Variants in ZNF407 observed in about 807,000 individuals in gnomAD.
The protein encoded by ZNF407 is zinc finger protein 407.
A neutral mutation model predicts 131.2 loss-of-function variants in ZNF407; 17 were observed. That is an observed-to-expected ratio of 0.13 (90% CI 0.09 to 0.19). The LOEUF is 0.19. Ranked by LOEUF, ZNF407 falls within the 10% of genes least tolerant of loss-of-function variation. The probability of loss-of-function intolerance (pLI) is 1.00; values close to 1 mark genes in which losing one functional copy is unlikely to be tolerated. For missense variants in ZNF407, 2,681 were observed against 2,830.6 expected, an observed-to-expected ratio of 0.95 and a Z score of 1.20; for synonymous variants, 1,156 against 1,062.0, an observed-to-expected ratio of 1.09 and a Z score of -1.72.
intron 1 of ZNF407, among the ~76,000 whole-genome samples, chr18:74,608,847 A>G (rs180746524): frequency 5.0e-4 from 76 of 152,346 alleles, no homozygotes; most frequent in African/African-American, 1.7e-3. Context: ...GGTATGTGAT[A>G]TAGATATGTC....
chr18:74,785,920 GCACA>G (rs917195579), intron 4 of ZNF407, among the ~76,000 whole-genome samples: 1 of 152,054 alleles, frequency 6.6e-6, no homozygotes, highest in African/African-American at 2.4e-5. Context: ...ATGTCACATG[GCACA>G]CACGATGTCA....
At position 74,633,470 on chromosome 18, in the gene ZNF407, G is replaced by C. The variant is rs371806813; in HGVS notation, c.2451G>C (p.Ala817=). The change falls in exon 2 of 9, where the codon GCG becomes GCC. Residue 817 remains alanine (A), a synonymous_variant. Coordinates refer to ENST00000299687, the MANE Select transcript of ZNF407 (RefSeq NM_017757.3). The stretch of plus-strand genomic sequence containing the variant: ...CCTATCTTGAGAAGGGCATGCTGGC[G>C]TCTGAGGAACTGTCACAGTCTGGTG... ...EHSYLEKGML[A]SEELSQSGGS... The C allele has an allele frequency of 6.2e-7, 1 of 1,613,960 alleles. No individual in the cohort carries two copies.
chr18:74,789,945 T>TC (rs574780362), intron 4 of ZNF407, among the ~76,000 whole-genome samples: 218 of 151,882 alleles, frequency 1.4e-3, no homozygotes, highest in Admixed American at 2.6e-3. Flanking sequence ...CCAGTCTAAA[T>TC]CATGTCTTTA....
At chr18:74,622,001 G>T (rs1413861571) in intron 1 of ZNF407, among the ~76,000 whole-genome samples, 1 of 152,118 alleles carries the variant, frequency 6.6e-6, no homozygotes, top group Non-Finnish European at 1.5e-5. Flanking sequence ...TGGTTTTTTA[G>T]GGTGTTGTAT....
In ZNF407 at chr18:75,051,764, G is replaced by A. The variant is rs371920568; in HGVS notation, c.5429-11386G>A. On this transcript the variant is annotated intron_variant, in intron 8 of 8. Transcript: ENST00000299687. ...TGTCGGGACTTATTCCAGCCATGCT[G>A]CTGCTAGTCTGGGGGTCGGTCATCA... is the stretch of plus-strand genomic sequence containing the variant. Among the ~76,000 whole-genome samples, 13 of 152,312 alleles carry A rather than the reference G, an allele frequency of 8.5e-5. No individual in the cohort carries two copies. The East Asian group carries it at 1.7e-3, about 20-fold the overall frequency.
intron 1 of ZNF407, among the ~76,000 whole-genome samples, chr18:74,602,636 C>G (rs1350051793): frequency 6.6e-6 from 1 of 152,146 alleles, no homozygotes; most frequent in African/African-American, 2.4e-5. Context: ...ATGGGACACT[C>G]AAATTTAGGA....
chr18:74,735,000 T>A (rs1968381046), intron 3 of ZNF407, among the ~76,000 whole-genome samples: 1 of 152,152 alleles, frequency 6.6e-6, no homozygotes, highest in Non-Finnish European at 1.5e-5. Context: ...TATATTGTCC[T>A]TTACATATTG....
chr18:74,884,721 T>G (rs1485870769), intron 6 of ZNF407, among the ~76,000 whole-genome samples: 1 of 152,220 alleles, frequency 6.6e-6, no homozygotes, highest in East Asian at 1.9e-4. Flanking sequence ...TTTTTAAATT[T>G]AAATTTTGTC....
At chr18:75,007,648 A>G (rs981539233) in intron 8 of ZNF407, among the ~76,000 whole-genome samples, 9 of 152,214 alleles carry the variant, frequency 5.9e-5, no homozygotes, top group African/African-American at 1.7e-4. Flanking sequence ...CTAATATGTT[A>G]GAATCGATAT....
rs78840859 is a variant in ZNF407, at chr18:74,969,911, G to A, written c.5428+49219G>A. On this transcript the variant is annotated intron_variant, in intron 8 of 8. Coordinates refer to ENST00000299687, the MANE Select transcript of ZNF407 (RefSeq NM_017757.3). ...CCTTCCTTCCCCACTGTATTAGTCC[G>A]TTTGCACGCTGTTGATAAAGGCATA... Among the ~76,000 whole-genome samples the A allele has an allele frequency of 6.9e-3, 1,046 of 152,248 alleles. 12 individuals carry two copies. Among genetic ancestry groups the A allele is most frequent in the African/African-American group, 0.022 (894 of 41,530 alleles).
intron 3 of ZNF407, among the ~76,000 whole-genome samples, chr18:74,768,866 A>G (rs1012188162): frequency 2.0e-5 from 3 of 152,136 alleles, no homozygotes; most frequent in African/African-American, 7.2e-5. Context: ...TAATATTTGC[A>G]TGGCCCTCTT....
intron 3 of ZNF407, among the ~76,000 whole-genome samples, chr18:74,663,428 T>G (rs1015315801): frequency 1.3e-5 from 2 of 152,128 alleles, no homozygotes; most frequent in African/African-American, 2.4e-5. Context: ...TAGATGACCA[T>G]TGTGATTTAA....
intron 4 of ZNF407, among the ~76,000 whole-genome samples, chr18:74,839,721 G>T (rs1203345328): frequency 2.0e-5 from 3 of 152,094 alleles, no homozygotes; most frequent in Non-Finnish European, 4.4e-5. Flanking sequence ...ACACTTTCAG[G>T]TACCCATACT....
chr18:75,045,278 A>T (rs1973422013), intron 8 of ZNF407, among the ~76,000 whole-genome samples: 2 of 152,224 alleles, frequency 1.3e-5, no homozygotes, highest in Non-Finnish European at 2.9e-5. Flanking sequence ...ACTGGTGGTA[A>T]GTTATTCATT....
intron 4 of ZNF407, among the ~76,000 whole-genome samples, chr18:74,813,146 G>T (rs1970220607): frequency 6.6e-6 from 1 of 152,158 alleles, no homozygotes. Flanking sequence ...AGGGAGGAGT[G>T]GTTGCCTTGT....
chr18:74,604,600 C>T (rs957321206), intron 1 of ZNF407, among the ~76,000 whole-genome samples: 1 of 152,230 alleles, frequency 6.6e-6, no homozygotes, highest in Non-Finnish European at 1.5e-5. Context: ...ACAGCCTTAT[C>T]TTTGAAATCT....
intron 1 of ZNF407, among the ~76,000 whole-genome samples, chr18:74,605,555 A>T (rs1194589276): frequency 3.9e-5 from 6 of 152,208 alleles, no homozygotes; most frequent in African/African-American, 1.4e-4. Context: ...ATAAAAAATT[A>T]AAAAATCAAA....
intron 4 of ZNF407, among the ~76,000 whole-genome samples, chr18:74,809,719 C>A (rs151131918): frequency 6.6e-6 from 1 of 152,278 alleles, no homozygotes; most frequent in East Asian, 1.9e-4. Context: ...TTAAACAGTT[C>A]TTGCTTATGT....
intron 4 of ZNF407, among the ~76,000 whole-genome samples, chr18:74,814,478 T>C (rs1342217075): frequency 6.6e-6 from 1 of 152,220 alleles, no homozygotes; most frequent in Non-Finnish European, 1.5e-5. Flanking sequence ...ATGATCCTAA[T>C]GTATGTTTAC....
Sources: allele counts gnomAD v4.1 joint callset (sites outside exome capture counted in the v4.1 genomes callset), GRCh38; gene constraint gnomAD v4.1.1; transcripts MANE v1.5; gene names NCBI Gene and HGNC (gene_info 2026-07-23, HGNC 2026-07-21).